The following MAST4 variants were observed in gnomAD, a reference collection of about 807,000 sequenced individuals.
The protein encoded by MAST4 is microtubule associated serine/threonine kinase family member 4.
Under a neutral mutation model 162.7 loss-of-function variants are expected in MAST4, and 89 were observed. That is an observed-to-expected ratio of 0.55 (90% confidence interval 0.46 to 0.65). The LOEUF (loss-of-function observed/expected upper bound fraction) is 0.65. Among genes scored for constraint, MAST4 ranks in the 30% least tolerant of loss-of-function variants. The pLI, the probability that MAST4 is intolerant of heterozygous loss-of-function variation, is 0.00. For synonymous variants in MAST4, 1,479 were observed against 1,361.1 expected (o/e 1.09, Z -1.91); for missense variants, 3,153 against 3,374.0 (o/e 0.93, Z 1.62).
chr5:66,967,022 T>G (rs1055471396), intron 4 of MAST4, among the ~76,000 whole-genome samples: 1 of 152,192 alleles, frequency 6.6e-6, no homozygotes, highest in African/African-American at 2.4e-5. Flanking sequence ...TGGTCTAATA[T>G]TATAAATTGC....
chr5:66,658,519 A>T (rs1339800703), intron 1 of MAST4, among the ~76,000 whole-genome samples: 1 of 152,246 alleles, frequency 6.6e-6, no homozygotes, highest in Non-Finnish European at 1.5e-5. Flanking sequence ...CAAGGAAAAC[A>T]CTTTACTGAG....
At chr5:67,080,192 G>C (rs1762436186) in intron 5 of MAST4, among the ~76,000 whole-genome samples, 1 of 152,158 alleles carries the variant, frequency 6.6e-6, no homozygotes, top group Non-Finnish European at 1.5e-5. Context: ...ATTTGTCTTT[G>C]ACTTTCTGGC....
At chr5:67,022,851 A>C (rs1162309745) in intron 4 of MAST4, among the ~76,000 whole-genome samples, 2 of 151,296 alleles carry the variant, frequency 1.3e-5, no homozygotes, top group Non-Finnish European at 2.9e-5. Context: ...TTGAGCCTCC[A>C]TGCTGTGACC....
At chr5:66,909,586 A>G (rs575338297) in intron 4 of MAST4, among the ~76,000 whole-genome samples, 14 of 152,338 alleles carry the variant, frequency 9.2e-5, no homozygotes, top group Non-Finnish European at 1.6e-4. Flanking sequence ...CAGGGAGTAT[A>G]TATGTTGATT....
At chr5:66,900,045 C>CAGAGAAGAATCA in intron 4 of MAST4, 63 bp downstream of exon 4, 2 of 1,146,576 alleles carry the variant, frequency 1.7e-6, no homozygotes, top group Non-Finnish European at 2.4e-6. Context: ...TAGTATGATT[C>CAGAGAAGAATCA]TTCTCTGATT....
In MAST4 at chr5:67,165,354, T is replaced by C. The variant is rs533601173; in HGVS notation, c.6175T>C (p.Ser2059Pro). Residue 2059 changes from serine to proline, a missense_variant, in exon 29 of 29, where the codon TCC becomes CCC. This residue lies in a region of MAST4 where 1,644 missense variants were observed against 1,495.0 expected (regional missense o/e 1.10). Coordinates refer to ENST00000403625, the MANE Select transcript of MAST4 (RefSeq NM_001164664.2). ...GEARPPPRDN[S>P]SLHSAGIPCE... is the part of the protein sequence containing the mutation. ...GGCGAGGCCCCCGCCCAGAGACAACTCCTCTCTGCACTCAGCTGGAATTCC... is the reference window on the plus strand; with the variant it reads ...GGCGAGGCCCCCGCCCAGAGACAACCCCTCTCTGCACTCAGCTGGAATTCC... 1 of 1,612,832 alleles carries C rather than the reference T, an allele frequency of 6.2e-7. No homozygotes were observed. Among genetic ancestry groups the C allele is most frequent in the Non-Finnish European group, 8.5e-7 (1 of 1,179,816 alleles).
chr5:67,128,996 C>T (rs1234486348), intron 14 of MAST4, among the ~76,000 whole-genome samples: 1 of 152,194 alleles, frequency 6.6e-6, no homozygotes, highest in East Asian at 1.9e-4. Flanking sequence ...TGTTAAGACT[C>T]CTTCTGATTC....
intron 3 of MAST4, among the ~76,000 whole-genome samples, chr5:66,881,144 A>G (rs945477892): frequency 1.7e-4 from 26 of 152,186 alleles, no homozygotes; most frequent in African/African-American, 6.0e-4. Flanking sequence ...TTATAATTCT[A>G]TTTTGAATTT....
intron 3 of MAST4, among the ~76,000 whole-genome samples, chr5:66,855,188 A>G (rs1186960020): frequency 1.3e-5 from 2 of 152,130 alleles, no homozygotes; most frequent in African/African-American, 4.8e-5. Context: ...GCCTAGAGCC[A>G]TCCCCTTGGT....
intron 1 of MAST4, among the ~76,000 whole-genome samples, chr5:66,631,934 G>A (rs193238009): frequency 7.3e-4 from 111 of 152,260 alleles, no homozygotes; most frequent in Middle Eastern, 3.4e-3. Context: ...CTGAACCTAG[G>A]CAGTCAGACT....
chr5:67,159,443 T>C (rs559621529), intron 26 of MAST4, among the ~76,000 whole-genome samples: 1 of 152,190 alleles, frequency 6.6e-6, no homozygotes, highest in Non-Finnish European at 1.5e-5. Context: ...TTCCCTGTCT[T>C]TTCAGTCCTC....
intron 4 of MAST4, among the ~76,000 whole-genome samples, chr5:66,913,887 C>T (rs1196601548): frequency 1.3e-5 from 2 of 152,206 alleles, no homozygotes; most frequent in Non-Finnish European, 2.9e-5. Flanking sequence ...ATTTGTTGAA[C>T]AGGCTATTTC....
In MAST4 at chr5:66,597,384, C is replaced by T. The variant is rs1038324849; in HGVS notation, c.363+366C>T. On this transcript the variant is annotated intron_variant, in intron 1 of 28. Transcript: ENST00000403625. ...GATTCTCCAAAGTGGGCGTTGTTTC[C>T]CACCGAAGCGCTTGGGCCGAGGGGC... 3.3e-5 allele frequency among the ~76,000 whole-genome samples: 5 copies of T among 152,310 alleles called. No individual in the cohort carries two copies. In the South Asian group the frequency reaches 6.2e-4, roughly 19 times the overall value.
chr5:67,030,579 GGT>G (rs1045745377), intron 4 of MAST4, among the ~76,000 whole-genome samples: 4 of 152,058 alleles, frequency 2.6e-5, no homozygotes, highest in Admixed American at 2.6e-4. Context: ...AGTCCTAAGG[GGT>G]GATATTTAAA....
Position 66,891,334 on chromosome 5 carries a change from T to C in MAST4, c.643-8617T>C, listed in dbSNP as rs374550436. On this transcript the variant is annotated intron_variant, in intron 3 of 28. Coordinates refer to ENST00000403625, the MANE Select transcript of MAST4 (RefSeq NM_001164664.2). ...CACATTTCTCTCCTGACTCTGCCCC[T>C]CCTCCTCCTCCTCACTGCCTCTTCC... 1.4e-4 allele frequency among the ~76,000 whole-genome samples: 21 copies of C among 151,938 alleles called. No individual in the cohort carries two copies. In the South Asian group the frequency reaches 4.2e-3, roughly 30 times the overall value.
At chr5:67,041,084 A>G (rs1179159288) in intron 4 of MAST4, among the ~76,000 whole-genome samples, 2 of 152,152 alleles carry the variant, frequency 1.3e-5, no homozygotes, top group East Asian at 3.9e-4. Flanking sequence ...ATTATTTTTA[A>G]TCACTTTTGG....
At position 67,100,612 on chromosome 5, in the gene MAST4, AACCATT is replaced by A. The variant is rs778470996; in HGVS notation, c.1070+23_1070+28del. On this transcript the variant is annotated intron_variant, in intron 8 of 28. Coordinates refer to ENST00000403625, the MANE Select transcript of MAST4 (RefSeq NM_001164664.2). The stretch of plus-strand genomic sequence containing the variant: ...TCTGAGGTGTGTGGGCCTGGCTGAA[AACCATT>A]ACTTAGTTGGATTCTCTATTTTCAA... The A allele has an allele frequency of 6.2e-7, 1 of 1,613,670 alleles. No individual in the cohort carries two copies. The highest frequency in any genetic ancestry group is 2.2e-5 in the East Asian group (1 of 44,882).
At chr5:67,000,815 G>A (rs1751210003) in intron 4 of MAST4, among the ~76,000 whole-genome samples, 1 of 151,608 alleles carries the variant, frequency 6.6e-6, no homozygotes, top group Non-Finnish European at 1.5e-5. Flanking sequence ...TCAGTAAAAA[G>A]GACCTGGCAT....
intron 1 of MAST4, among the ~76,000 whole-genome samples, chr5:66,657,506 C>T (rs1213204780): frequency 2.6e-5 from 4 of 152,156 alleles, no homozygotes; most frequent in Admixed American, 6.5e-5. Context: ...CTATCCACCT[C>T]CTCCATTCAG....
Sources: gnomAD v4.1 joint callset for allele counts (sites outside exome capture counted in the v4.1 genomes callset) on GRCh38, gnomAD v4.1.1 for gene constraint, gnomAD v4.1.1 regional missense constraint, MANE v1.5 for transcripts, NCBI Gene and HGNC (gene_info 2026-07-23, HGNC 2026-07-21) for gene names.